Variants in GRM7 observed in about 807,000 individuals in gnomAD.
GRM7 encodes the protein glutamate metabotropic receptor 7, also known as metabotropic glutamate receptor 7.
In GRM7, 35 loss-of-function variants were observed where a neutral mutation model predicts 84.5. The observed-to-expected ratio is 0.41, with a 90% CI of 0.32 to 0.55. GRM7 has a LOEUF of 0.55. Ranked by LOEUF, GRM7 falls within the 20% of genes least tolerant of loss-of-function variation. GRM7 has a pLI of 0.19. For missense variants in GRM7, 1,003 were observed against 1,194.6 expected (o/e 0.84, Z 2.36); for synonymous variants, 487 against 455.1 (o/e 1.07, Z -0.89).
At chr3:7,645,325 G>C (rs932194252) in intron 8 of GRM7, among the ~76,000 whole-genome samples, 2 of 151,924 alleles carry the variant, frequency 1.3e-5, no homozygotes, top group Non-Finnish European at 2.9e-5. Context: ...AAGGCGGGCA[G>C]ACCACAAGGT....
intron 4 of GRM7, among the ~76,000 whole-genome samples, chr3:7,404,393 A>G (rs1331989686): frequency 6.6e-6 from 1 of 152,212 alleles, no homozygotes; most frequent in East Asian, 1.9e-4. Flanking sequence ...GGTCTTCCCC[A>G]GCTAGTTAAT....
chr3:7,560,886 C>T (rs184510945), intron 7 of GRM7, among the ~76,000 whole-genome samples: 114 of 152,138 alleles, frequency 7.5e-4, no homozygotes, highest in Middle Eastern at 3.4e-3. Context: ...TTGCCTTGGC[C>T]GTTTCTTCTA....
chr3:7,274,766 G>GT (rs1428041210), intron 2 of GRM7, among the ~76,000 whole-genome samples: 1 of 151,856 alleles, frequency 6.6e-6, no homozygotes, highest in African/African-American at 2.4e-5. Context: ...TGTTGTTGTT[G>GT]TTTTGTATTG....
At chr3:7,722,852 C>A (rs577857350) in intron 9 of GRM7, among the ~76,000 whole-genome samples, 3 of 152,166 alleles carry the variant, frequency 2.0e-5, no homozygotes, top group African/African-American at 7.2e-5. Context: ...TGCAGTGGCA[C>A]TCTGAAATAC....
intron 4 of GRM7, among the ~76,000 whole-genome samples, chr3:7,337,607 G>T (rs2125074045): frequency 6.6e-6 from 1 of 151,924 alleles, no homozygotes; most frequent in South Asian, 2.1e-4. Flanking sequence ...GACATGAACA[G>T]ACAATTCTCA....
chr3:6,993,372 T>C (rs1694716482), intron 1 of GRM7, among the ~76,000 whole-genome samples: 1 of 152,104 alleles, frequency 6.6e-6, no homozygotes, highest in Non-Finnish European at 1.5e-5. Flanking sequence ...GATACAAGCC[T>C]TCGAACAAAT....
intron 4 of GRM7, among the ~76,000 whole-genome samples, chr3:7,404,213 A>C (rs1317263378): frequency 1.3e-5 from 2 of 152,180 alleles, no homozygotes; most frequent in African/African-American, 2.4e-5. Context: ...GCTCTATACA[A>C]ATCAGTAGTT....
chr3:7,511,963 G>A (rs1700225207), intron 7 of GRM7, among the ~76,000 whole-genome samples: 1 of 152,062 alleles, frequency 6.6e-6, no homozygotes, highest in African/African-American at 2.4e-5. Context: ...GCCACATAGT[G>A]AGACACTGTC....
chr3:7,121,252 A>T (rs932238627), intron 1 of GRM7, among the ~76,000 whole-genome samples: 3 of 152,144 alleles, frequency 2.0e-5, no homozygotes, highest in African/African-American at 7.2e-5. Flanking sequence ...ATATTCACTG[A>T]TAGAAAGAAG....
At chr3:7,055,400 G>C (rs908315421) in intron 1 of GRM7, among the ~76,000 whole-genome samples, 1 of 151,386 alleles carries the variant, frequency 6.6e-6, no homozygotes, top group African/African-American at 2.4e-5. Context: ...GAACCGTTTT[G>C]TTGGAGTCAG....
chr3:7,478,892 T>G (rs1015741066), intron 7 of GRM7, among the ~76,000 whole-genome samples: 1 of 152,180 alleles, frequency 6.6e-6, no homozygotes, highest in Non-Finnish European at 1.5e-5. Flanking sequence ...CTTCCCTAAT[T>G]CTTAATTGGT....
intron 2 of GRM7, among the ~76,000 whole-genome samples, chr3:7,196,331 G>C (rs888453406): frequency 2.0e-5 from 3 of 151,982 alleles, no homozygotes; most frequent in Admixed American, 2.0e-4. Context: ...TCATCTAAAG[G>C]CACCCTCATA....
intron 1 of GRM7, among the ~76,000 whole-genome samples, chr3:7,082,841 A>G (rs916754505): frequency 3.3e-5 from 5 of 152,164 alleles, no homozygotes; most frequent in Non-Finnish European, 5.9e-5. Flanking sequence ...GGAAATTGCA[A>G]GAGAACTAGA....
intron 7 of GRM7, among the ~76,000 whole-genome samples, chr3:7,512,733 C>A (rs2124979337): frequency 6.6e-6 from 1 of 151,996 alleles, no homozygotes; most frequent in East Asian, 1.9e-4. Context: ...CTGGGGAAAA[C>A]ATTTTTATCC....
At chr3:7,152,461 G>A (rs1324087832) in intron 2 of GRM7, among the ~76,000 whole-genome samples, 1 of 152,168 alleles carries the variant, frequency 6.6e-6, no homozygotes, top group East Asian at 1.9e-4. Flanking sequence ...TTCATGACTT[G>A]ACATCTGCTT....
intron 1 of GRM7, among the ~76,000 whole-genome samples, chr3:6,960,495 C>T (rs1693250951): frequency 6.6e-6 from 1 of 152,158 alleles, no homozygotes; most frequent in East Asian, 1.9e-4. Context: ...TGCCTTTATT[C>T]CCATTTTACT....
chr3:7,303,440 A>C (rs985223525), intron 3 of GRM7, among the ~76,000 whole-genome samples: 57 of 152,026 alleles, frequency 3.7e-4, no homozygotes, highest in Non-Finnish European at 3.2e-4. Flanking sequence ...TTTTTAAATT[A>C]TTAATTTTAA....
chr3:7,564,601 C>G lies in GRM7; in HGVS notation c.1516-13821C>G, dbSNP rs191494067. Reference sequence around the variant, plus strand: ...GAGGGAGAGGAGGACTGGGAATATTCATCTTAAAGTTCTTTGCATGAAATG... The same window carrying G: ...GAGGGAGAGGAGGACTGGGAATATTGATCTTAAAGTTCTTTGCATGAAATG... On this transcript the variant is annotated intron_variant, in intron 7 of 9. Transcript: ENST00000357716. Among the ~76,000 whole-genome samples, 428 of 152,242 alleles carry G rather than the reference C, an allele frequency of 2.8e-3. 3 individuals carry two copies. The highest frequency in any genetic ancestry group is 9.6e-3 in the African/African-American group (398 of 41,536).
At chr3:6,946,541 A>G (rs955349677) in intron 1 of GRM7, among the ~76,000 whole-genome samples, 1 of 152,216 alleles carries the variant, frequency 6.6e-6, no homozygotes, top group African/African-American at 2.4e-5. Flanking sequence ...ATGGCAATGC[A>G]GGCTCTTTTT....
Sources: allele counts gnomAD v4.1 joint callset (sites outside exome capture counted in the v4.1 genomes callset), GRCh38; gene constraint gnomAD v4.1.1; transcripts MANE v1.5; gene names NCBI Gene and HGNC (gene_info 2026-07-23, HGNC 2026-07-21).